USP32: variants seen among roughly 807,000 people sequenced by gnomAD.
USP32 encodes ubiquitin carboxyl-terminal hydrolase 32.
In USP32, 59 loss-of-function variants were observed where a neutral mutation model predicts 204.8. The observed-to-expected ratio is 0.29, with a 90% CI of 0.23 to 0.36. The LOEUF (loss-of-function observed/expected upper bound fraction) is 0.36. Among genes scored for constraint, USP32 ranks in the 10% least tolerant of loss-of-function variants. The probability of loss-of-function intolerance (pLI) is 1.00; values close to 1 mark genes in which losing one functional copy is unlikely to be tolerated. For synonymous variants in USP32, 517 were observed against 678.4 expected (o/e 0.76, Z 3.70); for missense variants, 1,160 against 1,946.4 (o/e 0.60, Z 7.60).
At chr17:60,352,504 A>G (rs2088972502) in intron 1 of USP32, among the ~76,000 whole-genome samples, 1 of 152,184 alleles carries the variant, frequency 6.6e-6, no homozygotes, top group Admixed American at 6.5e-5. Context: ...TTAAACTATT[A>G]TTTTGTTTAA....
chr17:60,308,680 C>A (rs918334502), intron 2 of USP32, among the ~76,000 whole-genome samples: 13 of 152,340 alleles, frequency 8.5e-5, no homozygotes, highest in Middle Eastern at 3.4e-3. Context: ...GGAATCCCAG[C>A]ACTTTGGGAG....
chr17:60,191,878 G>A (rs1206475715), intron 28 of USP32, among the ~76,000 whole-genome samples: 5 of 152,116 alleles, frequency 3.3e-5, no homozygotes, highest in African/African-American at 1.2e-4. Context: ...GTATCATTAG[G>A]CACTTTCCCT....
intron 2 of USP32, among the ~76,000 whole-genome samples, chr17:60,342,675 A>G (rs2145995903): frequency 1.3e-5 from 2 of 152,310 alleles, no homozygotes; most frequent in South Asian, 4.1e-4. Flanking sequence ...TCACAGTTTG[A>G]TCTCAGACTG....
intron 2 of USP32, among the ~76,000 whole-genome samples, chr17:60,306,492 G>T (rs2087726379): frequency 6.6e-6 from 1 of 152,072 alleles, no homozygotes; most frequent in African/African-American, 2.4e-5. Flanking sequence ...ACAAAAATTA[G>T]CTGGGCGTTG....
intron 1 of USP32, among the ~76,000 whole-genome samples, chr17:60,354,632 A>G (rs538625836): frequency 6.6e-6 from 1 of 152,334 alleles, no homozygotes; most frequent in South Asian, 2.1e-4. Flanking sequence ...CTGCAGAGCC[A>G]CTTCAGGTAG....
intron 16 of USP32, among the ~76,000 whole-genome samples, chr17:60,215,223 C>T (rs1241549432): frequency 6.6e-6 from 1 of 152,174 alleles, no homozygotes; most frequent in African/African-American, 2.4e-5. Flanking sequence ...CCACCTGCCT[C>T]GGCTTCCCAA....
intron 1 of USP32, among the ~76,000 whole-genome samples, chr17:60,348,674 G>T (rs1027299214): frequency 6.6e-6 from 1 of 152,050 alleles, no homozygotes; most frequent in African/African-American, 2.4e-5. Context: ...AGGCTGAGAT[G>T]GGAGGATCAC....
chr17:60,289,639 G>C (rs1335255887), intron 4 of USP32, among the ~76,000 whole-genome samples: 1 of 152,130 alleles, frequency 6.6e-6, no homozygotes, highest in Non-Finnish European at 1.5e-5. Flanking sequence ...AGCATCATAT[G>C]GTTGTTCACG....
intron 9 of USP32, among the ~76,000 whole-genome samples, chr17:60,262,171 A>T (rs911447665): frequency 2.0e-5 from 3 of 151,934 alleles, no homozygotes; most frequent in East Asian, 3.9e-4. Context: ...TGGCTTATTT[A>T]TTTTGTTTTA....
At chr17:60,332,663 C>T (rs2088419452) in intron 2 of USP32, among the ~76,000 whole-genome samples, 1 of 152,102 alleles carries the variant, frequency 6.6e-6, no homozygotes, top group Non-Finnish European at 1.5e-5. Flanking sequence ...AAAAAGTTTA[C>T]TCTGCCCCTA....
At chr17:60,342,378 G>C (rs143833137) in intron 2 of USP32, among the ~76,000 whole-genome samples, 3 of 152,330 alleles carry the variant, frequency 2.0e-5, no homozygotes, top group African/African-American at 7.2e-5. Flanking sequence ...GGCTACACAG[G>C]GGTCAGGAAC....
At chr17:60,341,789 G>T (rs2088664268) in intron 2 of USP32, among the ~76,000 whole-genome samples, 1 of 152,060 alleles carries the variant, frequency 6.6e-6, no homozygotes, top group Non-Finnish European at 1.5e-5. Flanking sequence ...GTTTATTCTA[G>T]TTAGCCATTC....
At chr17:60,409,466 G>T (rs1201682513) in intron 1 of USP32, among the ~76,000 whole-genome samples, 2 of 152,202 alleles carry the variant, frequency 1.3e-5, no homozygotes, top group Non-Finnish European at 2.9e-5. Flanking sequence ...ATGGCAGCTG[G>T]CTTACCCCAG....
intron 1 of USP32, among the ~76,000 whole-genome samples, chr17:60,418,313 A>T (rs2090078089): frequency 6.6e-6 from 1 of 151,604 alleles, no homozygotes; most frequent in African/African-American, 2.4e-5. Context: ...GGCTAGTCTC[A>T]AACTCCTGAC....
chr17:60,392,187 C>T (rs2089852737), upstream of USP32: 4 of 538,640 alleles, frequency 7.4e-6, no homozygotes, highest in Non-Finnish European at 1.3e-5. Flanking sequence ...CTTCTCTCTC[C>T]TCTCTCTCCT....
intron 9 of USP32, among the ~76,000 whole-genome samples, chr17:60,264,554 T>C (rs907920064): frequency 2.0e-5 from 3 of 149,160 alleles, no homozygotes; most frequent in African/African-American, 7.4e-5. Flanking sequence ...AAAAGAAATT[T>C]CTTGAAAGAA....
chr17:60,356,381 A>G (rs1026267800), intron 1 of USP32, among the ~76,000 whole-genome samples: 6 of 152,182 alleles, frequency 3.9e-5, no homozygotes, highest in Non-Finnish European at 7.3e-5. Context: ...ATGTGCCCCA[A>G]AATTCCCATA....
chr17:60,203,597 A>G (rs1450895865), intron 26 of USP32, among the ~76,000 whole-genome samples: 2 of 151,672 alleles, frequency 1.3e-5, no homozygotes, highest in Admixed American at 6.6e-5. Context: ...TTTATTTAAG[A>G]CGGAGTTTTG....
chr17:60,386,953 T>C (rs546831314), intron 1 of USP32, among the ~76,000 whole-genome samples: 1 of 152,288 alleles, frequency 6.6e-6, no homozygotes, highest in Non-Finnish European at 1.5e-5. Flanking sequence ...AACTGCCCCA[T>C]TTTTCTCCTT....
Sources: gnomAD v4.1 joint callset for allele counts (sites outside exome capture counted in the v4.1 genomes callset) on GRCh38, gnomAD v4.1.1 for gene constraint, MANE v1.5 for transcripts, NCBI Gene and HGNC (gene_info 2026-07-23, HGNC 2026-07-21) for gene names.